MTUS2: variants seen among roughly 807,000 people sequenced by gnomAD.
MTUS2 encodes microtubule associated scaffold protein 2.
A neutral mutation model predicts 114.1 loss-of-function variants in MTUS2; 40 were observed. The ratio of observed to expected loss-of-function variants is 0.35; its 90% CI spans 0.27 to 0.46. The LOEUF is 0.46. Among genes scored for constraint, MTUS2 ranks in the 20% least tolerant of loss-of-function variants. The pLI, the probability that MTUS2 is intolerant of heterozygous loss-of-function variation, is 1.00. For missense variants in MTUS2, 1,679 were observed against 1,705.4 expected, an observed-to-expected ratio of 0.98 and a Z score of 0.27; for synonymous variants, 688 against 672.0, an observed-to-expected ratio of 1.02 and a Z score of -0.37.
chr13:29,441,534 TCTGTTTCTTCA>T (rs1877870330), intron 9 of MTUS2, among the ~76,000 whole-genome samples: 1 of 128,348 alleles, frequency 7.8e-6, no homozygotes, highest in Non-Finnish European at 1.8e-5. Context: ...TGTGTCCCCA[TCTGTTTCTTCA>T]CCAATGTGGC....
At chr13:29,035,213 G>A (rs1887008326) in intron 4 of MTUS2, among the ~76,000 whole-genome samples, 1 of 152,214 alleles carries the variant, frequency 6.6e-6, no homozygotes, top group Non-Finnish European at 1.5e-5. Context: ...CCTTGGGTTT[G>A]TGGGTGTCTT....
chr13:28,998,266 A>C (rs948776037), intron 2 of MTUS2, among the ~76,000 whole-genome samples: 5 of 152,182 alleles, frequency 3.3e-5, no homozygotes, highest in Non-Finnish European at 7.3e-5. Context: ...ATCAGCTGTT[A>C]GTCCGATGGG....
Position 29,311,991 on chromosome 13 carries a change from T to G in MTUS2, c.2807-12622T>G, listed in dbSNP as rs535921677. 3.3e-5 allele frequency among the ~76,000 whole-genome samples: 5 copies of G among 152,224 alleles called. No homozygotes were observed. In the South Asian group the frequency reaches 1.0e-3, roughly 32 times the overall value. ...CCTCCAGCCTCATTCCCTACCCTGC[T>G]CTCCCTGACCTGCTGTCCCTTCACT... is the stretch of plus-strand genomic sequence containing the variant. On this transcript the variant is annotated intron_variant, in intron 6 of 15. Coordinates refer to ENST00000612955, the MANE Select transcript of MTUS2 (RefSeq NM_001033602.4).
At chr13:29,483,031 G>A (rs1157748421) in intron 10 of MTUS2, among the ~76,000 whole-genome samples, 1 of 152,238 alleles carries the variant, frequency 6.6e-6, no homozygotes, top group African/African-American at 2.4e-5. Flanking sequence ...GTGTGACTGA[G>A]ATGGAGATTA....
chr13:29,478,358 A>G (rs898656611), intron 9 of MTUS2, among the ~76,000 whole-genome samples: 1 of 152,208 alleles, frequency 6.6e-6, no homozygotes, highest in Non-Finnish European at 1.5e-5. Flanking sequence ...GGGAATGTAC[A>G]TGGGGAGATA....
chr13:29,204,551 A>C (rs1895101080), intron 5 of MTUS2, among the ~76,000 whole-genome samples: 1 of 152,152 alleles, frequency 6.6e-6, no homozygotes, highest in Non-Finnish European at 1.5e-5. Context: ...GGCTGGGTGG[A>C]GACCCAGCAC....
intron 5 of MTUS2, among the ~76,000 whole-genome samples, chr13:29,265,120 G>T (rs577463438): frequency 6.6e-6 from 1 of 151,984 alleles, no homozygotes; most frequent in African/African-American, 2.4e-5. Context: ...AAGCAGCCAC[G>T]CTATACCTTA....
chr13:29,363,105 C>T (rs199761109), intron 8 of MTUS2, among the ~76,000 whole-genome samples: 1 of 71,700 alleles, frequency 1.4e-5, no homozygotes, highest in Non-Finnish European at 3.1e-5. Flanking sequence ...CTCTCAGGGA[C>T]GGACTCGCGC....
At chr13:29,345,780 G>C (rs1408359786) in intron 7 of MTUS2, among the ~76,000 whole-genome samples, 1 of 152,114 alleles carries the variant, frequency 6.6e-6, no homozygotes, top group Non-Finnish European at 1.5e-5. Context: ...CATTTGGGTA[G>C]CCTATGTCAG....
At chr13:29,462,276 A>T (rs1032224766) in intron 9 of MTUS2, among the ~76,000 whole-genome samples, 2 of 152,174 alleles carry the variant, frequency 1.3e-5, no homozygotes, top group African/African-American at 4.8e-5. Flanking sequence ...AGAGGAGAGG[A>T]CCGAGAAATG....
chr13:28,896,144 T>G (rs1426037694), intron 2 of MTUS2, among the ~76,000 whole-genome samples: 1 of 151,462 alleles, frequency 6.6e-6, no homozygotes, highest in African/African-American at 2.4e-5. Context: ...TAGGGAAGAG[T>G]TGTAACTTTT....
At chr13:29,098,117 C>T (rs1890252894) in intron 4 of MTUS2, among the ~76,000 whole-genome samples, 1 of 152,128 alleles carries the variant, frequency 6.6e-6, no homozygotes, top group African/African-American at 2.4e-5. Context: ...CTCTTGAGCT[C>T]TACTCCAGAC....
At chr13:29,262,239 A>G (rs1897501192) in intron 5 of MTUS2, among the ~76,000 whole-genome samples, 1 of 152,246 alleles carries the variant, frequency 6.6e-6, no homozygotes, top group South Asian at 2.1e-4. Context: ...AGGGAAACTG[A>G]ATCATAGAGA....
intron 7 of MTUS2, among the ~76,000 whole-genome samples, chr13:29,356,289 C>G (rs4608191): frequency 0.53 from 81,330 of 152,082 alleles, 25,008 homozygotes; most frequent in East Asian, 0.76. Flanking sequence ...CCAGACCCAC[C>G]ATGTGCCCTG....
intron 2 of MTUS2, among the ~76,000 whole-genome samples, chr13:28,861,807 G>A (rs372611362): frequency 6.6e-6 from 1 of 152,100 alleles, no homozygotes; most frequent in East Asian, 1.9e-4. Context: ...CTCTGGAGGC[G>A]TGAGTGGAGG....
intron 5 of MTUS2, among the ~76,000 whole-genome samples, chr13:29,118,967 C>T (rs895296835): frequency 2.6e-5 from 4 of 152,074 alleles, no homozygotes; most frequent in Admixed American, 6.6e-5. Context: ...TAGCACCCCT[C>T]GAACACAAGT....
At chr13:29,489,451 C>A (rs575521011) in intron 11 of MTUS2, among the ~76,000 whole-genome samples, 1 of 152,288 alleles carries the variant, frequency 6.6e-6, no homozygotes, top group Non-Finnish European at 1.5e-5. Context: ...CCTCTGGGAA[C>A]TATTAGTAAG....
chr13:28,889,919 A>T (rs1341869862), intron 2 of MTUS2, among the ~76,000 whole-genome samples: 2 of 152,030 alleles, frequency 1.3e-5, no homozygotes, highest in Non-Finnish European at 2.9e-5. Context: ...AGGTGAGGGG[A>T]TGCAGGATGT....
chr13:29,032,084 A>C (rs1190424195), intron 3 of MTUS2, among the ~76,000 whole-genome samples: 1 of 152,158 alleles, frequency 6.6e-6, no homozygotes, highest in East Asian at 1.9e-4. Context: ...GTGCAGCATC[A>C]CCTGCTGTAT....
Sources: allele counts gnomAD v4.1 joint callset (sites outside exome capture counted in the v4.1 genomes callset), GRCh38; gene constraint gnomAD v4.1.1; transcripts MANE v1.5; gene names NCBI Gene and HGNC (gene_info 2026-07-23, HGNC 2026-07-21).